The following NME7 variants were observed in gnomAD, a reference collection of about 807,000 sequenced individuals.
The protein encoded by NME7 is NME/NM23 family member 7, also known as nucleoside diphosphate kinase 7.
A neutral mutation model predicts 49.1 loss-of-function variants in NME7; 41 were observed. The observed-to-expected ratio is 0.83, with a 90% CI of 0.65 to 1.08. The LOEUF is 1.08. Ranked by LOEUF, NME7 falls within the 50% of genes least tolerant of loss-of-function variation. The pLI is 0.00. For missense variants in NME7, 423 were observed against 463.4 expected (o/e 0.91, Z 0.80); for synonymous variants, 139 against 150.6 (o/e 0.92, Z 0.56).
chr1:169,273,679 T>G (rs1649580947), intron 7 of NME7, among the ~76,000 whole-genome samples: 1 of 127,696 alleles, frequency 7.8e-6, no homozygotes, highest in African/African-American at 2.7e-5. Flanking sequence ...TTCTCATTGT[T>G]CAATTCCCAT....
chr1:169,334,947 C>T (rs1412558970), intron 1 of NME7, among the ~76,000 whole-genome samples: 15 of 151,952 alleles, frequency 9.9e-5, no homozygotes, highest in Non-Finnish European at 1.5e-5. Context: ...TTTATGTGGC[C>T]AACAAACATG....
chr1:169,327,770 A>G (rs1425752814), intron 1 of NME7, among the ~76,000 whole-genome samples: 1 of 152,196 alleles, frequency 6.6e-6, no homozygotes, highest in Non-Finnish European at 1.5e-5. Flanking sequence ...TGAAGATTAA[A>G]CAAGTCTTTG....
At chr1:169,344,139 C>CT (rs1397942738) in intron 1 of NME7, among the ~76,000 whole-genome samples, 3 of 152,058 alleles carry the variant, frequency 2.0e-5, no homozygotes, top group Non-Finnish European at 4.4e-5. Context: ...CCTGAGTATT[C>CT]TTTTGGTGTC....
intron 7 of NME7, among the ~76,000 whole-genome samples, chr1:169,249,521 G>C (rs1648471401): frequency 6.6e-6 from 1 of 152,102 alleles, no homozygotes; most frequent in Non-Finnish European, 1.5e-5. Flanking sequence ...GCACTATGCT[G>C]AATAGAAGTG....
chr1:169,334,083 T>A (rs764191373), intron 1 of NME7, among the ~76,000 whole-genome samples: 5 of 152,232 alleles, frequency 3.3e-5, no homozygotes, highest in South Asian at 4.1e-4. Flanking sequence ...GATTCCATAA[T>A]GCATGATGGA....
chr1:169,225,594 G>A (rs1446872540), intron 10 of NME7, among the ~76,000 whole-genome samples: 1 of 152,082 alleles, frequency 6.6e-6, no homozygotes, highest in Non-Finnish European at 1.5e-5. Context: ...TTATAGAAAT[G>A]CAGTCTTATC....
chr1:169,325,561 C>T lies in NME7; in HGVS notation c.4-1061G>A, dbSNP rs12733001. Among the ~76,000 whole-genome samples, 8,613 of 151,998 alleles carry T rather than the reference C, an allele frequency of 0.057. 1,379 individuals carry two copies. In the East Asian group the frequency reaches 0.66, roughly 12 times the overall value. On this transcript the variant is annotated intron_variant, in intron 1 of 11. Coordinates refer to ENST00000367811, the MANE Select transcript of NME7 (RefSeq NM_013330.5). ...TCATATATGTTAGTAAAAATACCCT[C>T]GCCCCAAAGATCTTCATTATAATAA...
intron 1 of NME7, among the ~76,000 whole-genome samples, chr1:169,346,507 C>T (rs979698218): frequency 6.6e-6 from 1 of 152,216 alleles, no homozygotes; most frequent in Non-Finnish European, 1.5e-5. Context: ...CAGGTATCAT[C>T]ATCTTCTCCA....
At chr1:169,319,237 A>G (rs1370513710) in intron 3 of NME7, among the ~76,000 whole-genome samples, 1 of 152,152 alleles carries the variant, frequency 6.6e-6, no homozygotes, top group Non-Finnish European at 1.5e-5. Context: ...CTTCAAACAT[A>G]TATCTGATGA....
At chr1:169,254,031 G>T (rs1313178808) in intron 7 of NME7, among the ~76,000 whole-genome samples, 4 of 150,168 alleles carry the variant, frequency 2.7e-5, no homozygotes, top group African/African-American at 4.9e-5. Context: ...TCTCTTTTTT[G>T]GTTGTGTCTC....
At chr1:169,325,057 T>G (rs1444269843) in intron 1 of NME7, among the ~76,000 whole-genome samples, 1 of 151,974 alleles carries the variant, frequency 6.6e-6, no homozygotes, top group African/African-American at 2.4e-5. Context: ...AAAATGAATG[T>G]GAAGACAAGA....
intron 1 of NME7, among the ~76,000 whole-genome samples, chr1:169,332,461 C>T (rs889578996): frequency 1.1e-4 from 16 of 151,990 alleles, no homozygotes; most frequent in East Asian, 5.8e-4. Context: ...AAAGCAAAAA[C>T]GGACAAACAG....
intron 7 of NME7, among the ~76,000 whole-genome samples, chr1:169,248,588 C>A (rs773181462): frequency 2.6e-5 from 4 of 152,044 alleles, no homozygotes; most frequent in Non-Finnish European, 5.9e-5. Flanking sequence ...CCTAGGTTAT[C>A]TTCTATAATT....
chr1:169,210,507 A>G (rs1457324603), intron 10 of NME7, among the ~76,000 whole-genome samples: 1 of 152,134 alleles, frequency 6.6e-6, no homozygotes, highest in African/African-American at 2.4e-5. Context: ...ATTCATCTAG[A>G]AACTATGTTC....
At chr1:169,200,530 G>T (rs1485017215) in intron 10 of NME7, among the ~76,000 whole-genome samples, 2 of 152,064 alleles carry the variant, frequency 1.3e-5, no homozygotes, top group African/African-American at 2.4e-5. Context: ...CTGTGAGATT[G>T]CCTTTCATAT....
At chr1:169,271,749 TAAAATAAAAATCTTTA>T (rs1032899104) in intron 7 of NME7, among the ~76,000 whole-genome samples, 2 of 132,444 alleles carry the variant, frequency 1.5e-5, no homozygotes, top group African/African-American at 5.1e-5. Flanking sequence ...ACTCCTTTTT[TAAAATAAAAATCTTTA>T]AAAATAAAAA....
intron 7 of NME7, among the ~76,000 whole-genome samples, chr1:169,240,068 T>TA (rs1333802721): frequency 1.3e-5 from 2 of 152,000 alleles, no homozygotes; most frequent in Non-Finnish European, 2.9e-5. Context: ...TAATATAAGT[T>TA]AAAGTGTGCT....
intron 7 of NME7, among the ~76,000 whole-genome samples, chr1:169,274,182 A>G (rs1248596391): frequency 7.5e-6 from 1 of 132,992 alleles, no homozygotes; most frequent in Non-Finnish European, 1.8e-5. Context: ...ATGGTATGTC[A>G]TTGTGGTTTT....
intron 7 of NME7, among the ~76,000 whole-genome samples, chr1:169,253,366 C>T (rs1464074829): frequency 9.3e-5 from 14 of 150,870 alleles, no homozygotes; most frequent in Admixed American, 9.3e-4. Flanking sequence ...CTCTGTTTGT[C>T]TGTTATTGGT....
Sources: allele counts gnomAD v4.1 joint callset (sites outside exome capture counted in the v4.1 genomes callset), GRCh38; gene constraint gnomAD v4.1.1; transcripts MANE v1.5; gene names NCBI Gene and HGNC (gene_info 2026-07-23, HGNC 2026-07-21).